FNBP1L: variants seen among roughly 807,000 people sequenced by gnomAD.
FNBP1L encodes the protein formin-binding protein 1-like.
A neutral mutation model predicts 91.2 loss-of-function variants in FNBP1L; 36 were observed. That is an observed-to-expected ratio of 0.39 (90% confidence interval 0.30 to 0.52). The LOEUF is 0.52. FNBP1L is among the 20% of genes least tolerant of loss of function. The pLI is 0.66. For synonymous variants in FNBP1L, 242 were observed against 237.0 expected (o/e 1.02, Z -0.19); for missense variants, 571 against 732.1 (o/e 0.78, Z 2.54).
At chr1:93,475,221 C>T (rs1169383581) in intron 1 of FNBP1L, among the ~76,000 whole-genome samples, 1 of 151,864 alleles carries the variant, frequency 6.6e-6, no homozygotes, top group Non-Finnish European at 1.5e-5. Flanking sequence ...AAGATTCAAG[C>T]TTTACATATT....
chr1:93,453,115 C>T (rs1010241841), intron 1 of FNBP1L, among the ~76,000 whole-genome samples: 12 of 152,142 alleles, frequency 7.9e-5, no homozygotes, highest in African/African-American at 2.2e-4. Context: ...CCTTATATTA[C>T]GGTTATTATA....
At chr1:93,529,198 A>G (rs1341573158) in intron 5 of FNBP1L, among the ~76,000 whole-genome samples, 1 of 152,100 alleles carries the variant, frequency 6.6e-6, no homozygotes, top group Non-Finnish European at 1.5e-5. Flanking sequence ...GAGGACTTAT[A>G]TTTTTTATAA....
chr1:93,500,359 A>G (rs1433663453), intron 2 of FNBP1L, among the ~76,000 whole-genome samples: 1 of 152,060 alleles, frequency 6.6e-6, no homozygotes, highest in African/African-American at 2.4e-5. Context: ...TTCCATTCAT[A>G]CCATCCTCCG....
intron 2 of FNBP1L, among the ~76,000 whole-genome samples, chr1:93,506,956 T>G (rs928232287): frequency 6.6e-6 from 1 of 151,996 alleles, no homozygotes; most frequent in Non-Finnish European, 1.5e-5. Flanking sequence ...TCTTTAGAGA[T>G]GCCCACTAAA....
intron 4 of FNBP1L, 110 bp from the exon 5 acceptor site, chr1:93,524,151 T>C (rs1007050292): frequency 2.4e-6 from 2 of 833,664 alleles, no homozygotes; most frequent in Non-Finnish European, 3.4e-6. Context: ...AAAAATAAAG[T>C]GAAAAGCCTT....
chr1:93,499,352 C>G lies in FNBP1L; in HGVS notation c.25-116C>G, dbSNP rs557612930. On this transcript the variant is annotated intron_variant, in intron 1 of 16. Transcript: ENST00000271234. Reference sequence around the variant, plus strand: ...GAAGTGGGGGAGCTAGTAGAAGAGCCTGGGTTTTTCCTTTTATACCTCATT... The same window carrying G: ...GAAGTGGGGGAGCTAGTAGAAGAGCGTGGGTTTTTCCTTTTATACCTCATT... 19 of 685,232 alleles carry G rather than the reference C, an allele frequency of 2.8e-5. No individual in the cohort carries two copies. The African/African-American group carries it at 3.1e-4, about 11-fold the overall frequency. The allele number at this position is 685,232 out of a possible 1,614,324, so 42.4% of individuals were successfully genotyped here. A position where few individuals can be genotyped will look rare whatever the true frequency, so the allele number is the denominator to read the frequency against.
At chr1:93,477,018 A>G (rs1182922637) in intron 1 of FNBP1L, among the ~76,000 whole-genome samples, 1 of 152,210 alleles carries the variant, frequency 6.6e-6, no homozygotes, top group African/African-American at 2.4e-5. Flanking sequence ...CAGAGTCTAT[A>G]TTTGAACACA....
chr1:93,492,990 A>T (rs1439726930), intron 1 of FNBP1L, among the ~76,000 whole-genome samples: 1 of 152,150 alleles, frequency 6.6e-6, no homozygotes, highest in Admixed American at 6.5e-5. Flanking sequence ...CCTCTAAGAA[A>T]TTATTGAGAA....
intron 7 of FNBP1L, among the ~76,000 whole-genome samples, chr1:93,532,499 T>C (rs1266030603): frequency 6.9e-6 from 1 of 145,546 alleles, no homozygotes; most frequent in African/African-American, 2.5e-5. Context: ...AGTCTCAGTC[T>C]TGTATATGTT....
chr1:93,468,353 G>A (rs1669161101), intron 1 of FNBP1L, among the ~76,000 whole-genome samples: 2 of 151,774 alleles, frequency 1.3e-5, no homozygotes, highest in African/African-American at 2.4e-5. Flanking sequence ...CCATTCATCT[G>A]TTGATTGACT....
At chr1:93,540,444 G>C (rs1281637981) in intron 10 of FNBP1L, among the ~76,000 whole-genome samples, 1 of 152,068 alleles carries the variant, frequency 6.6e-6, no homozygotes, top group Non-Finnish European at 1.5e-5. Context: ...CGGGAAACTT[G>C]AATCTGGATA....
In FNBP1L at chr1:93,552,480, G is replaced by A. The variant is rs1672444368; in HGVS notation, c.*64G>A. 1.3e-6 allele frequency: 2 copies of A among 1,589,486 alleles called. No homozygotes were observed. Among genetic ancestry groups the A allele is most frequent in the Non-Finnish European group, 8.6e-7 (1 of 1,163,624 alleles). On this transcript the variant is annotated 3_prime_UTR_variant, in exon 17 of 17. Transcript: ENST00000271234. The stretch of plus-strand genomic sequence containing the variant: ...GTTACATGCAGCTGCTTTTGGGGGA[G>A]GGTATTAGAGTTGTCAGGCTCAAAG...
chr1:93,492,655 C>T (rs182335277), intron 1 of FNBP1L, among the ~76,000 whole-genome samples: 2 of 152,026 alleles, frequency 1.3e-5, no homozygotes, highest in Admixed American at 6.6e-5. Flanking sequence ...TGAGACCAGA[C>T]GGAGCAACAA....
At chr1:93,495,432 G>C (rs1284709069) in intron 1 of FNBP1L, among the ~76,000 whole-genome samples, 1 of 152,132 alleles carries the variant, frequency 6.6e-6, no homozygotes, top group East Asian at 1.9e-4. Flanking sequence ...AAGGAAATTG[G>C]AATAAGGTTG....
chr1:93,483,798 C>T (rs965320149), intron 1 of FNBP1L, among the ~76,000 whole-genome samples: 1 of 152,200 alleles, frequency 6.6e-6, no homozygotes, highest in Non-Finnish European at 1.5e-5. Context: ...AGCCTATTTG[C>T]TTTCCAAATA....
At chr1:93,514,123 A>G (rs901349544) in intron 2 of FNBP1L, among the ~76,000 whole-genome samples, 4 of 152,034 alleles carry the variant, frequency 2.6e-5, no homozygotes, top group African/African-American at 9.7e-5. Context: ...TTATACACCA[A>G]CAACAGACAG....
chr1:93,547,410 A>G lies in FNBP1L; in HGVS notation c.1471A>G (p.Ile491Val), dbSNP rs968843815. The G allele has an allele frequency of 1.3e-6, 2 of 1,559,828 alleles. No individual in the cohort carries two copies. The highest frequency in any genetic ancestry group is 1.2e-5 in the South Asian group (1 of 84,408). ...AGGAGACAGAAGACATAGCAGTGAC[A>G]TAAATCATCTTGTAACACAGGGACG... ...GRGDRRHSSDINHLVTQGRES... is the reference protein window; with the variant it reads ...GRGDRRHSSDVNHLVTQGRES... The change falls in exon 14 of 17, where the codon ATA becomes GTA. Residue 491 changes from isoleucine to valine, a missense_variant. By Grantham distance (29) the Ile-to-Val change is conservative. This residue lies in a region of FNBP1L where 189 missense variants were observed against 219.7 expected (regional missense o/e 0.86). Coordinates refer to ENST00000271234, the MANE Select transcript of FNBP1L (RefSeq NM_001164473.3).
chr1:93,466,535 GC>G (rs1178254006), intron 1 of FNBP1L, among the ~76,000 whole-genome samples: 1 of 152,100 alleles, frequency 6.6e-6, no homozygotes, highest in East Asian at 1.9e-4. Flanking sequence ...TATTTCTGAG[GC>G]CTCTGTTCTG....
chr1:93,542,461 A>AAAAAAAAAAC (rs1229637373), intron 11 of FNBP1L, among the ~76,000 whole-genome samples: 1 of 150,340 alleles, frequency 6.7e-6, no homozygotes, highest in African/African-American at 2.4e-5. Context: ...AAAAAAAAAA[A>AAAAAAAAAAC]AAAAAGCAAC....
Sources: gnomAD v4.1 joint callset for allele counts (sites outside exome capture counted in the v4.1 genomes callset) on GRCh38, gnomAD v4.1.1 for gene constraint, gnomAD v4.1.1 regional missense constraint, MANE v1.5 for transcripts, NCBI Gene and HGNC (gene_info 2026-07-23, HGNC 2026-07-21) for gene names.